The following PLPP1 variants were observed in gnomAD, a reference collection of about 807,000 sequenced individuals.
PLPP1 encodes the protein lipid phosphate phosphohydrolase 1a.
Under a neutral mutation model 31.2 loss-of-function variants are expected in PLPP1, and 24 were observed. The ratio of observed to expected loss-of-function variants is 0.77; its 90% CI spans 0.56 to 1.08. PLPP1 has a LOEUF of 1.08. PLPP1 is among the 50% of genes least tolerant of loss of function. The pLI is 0.00. For synonymous variants in PLPP1, 146 were observed against 126.3 expected, an observed-to-expected ratio of 1.16 and a Z score of -1.05; for missense variants, 319 against 342.7, an observed-to-expected ratio of 0.93 and a Z score of 0.55.
At chr5:55,477,474 C>T (rs1752579695) in intron 1 of PLPP1, among the ~76,000 whole-genome samples, 1 of 149,982 alleles carries the variant, frequency 6.7e-6, no homozygotes, top group Non-Finnish European at 1.5e-5. Flanking sequence ...GCTCACTGCA[C>T]ACTCCACTTC....
chr5:55,463,126 T>C (rs1752203521), intron 3 of PLPP1, among the ~76,000 whole-genome samples: 1 of 150,736 alleles, frequency 6.6e-6, no homozygotes, highest in African/African-American at 2.4e-5. Context: ...TAAGTGGGAG[T>C]TGAACAATGA....
chr5:55,462,488 AT>A (rs1718078538), intron 3 of PLPP1, among the ~76,000 whole-genome samples: 1 of 152,248 alleles, frequency 6.6e-6, no homozygotes, highest in African/African-American at 2.4e-5. Context: ...ACACAAAAAA[AT>A]AATTCAAATG....
chr5:55,425,832 C>A, intron 5 of PLPP1, 31 bp downstream of exon 5: 1 of 1,481,526 alleles, frequency 6.7e-7, no homozygotes, highest in Non-Finnish European at 9.0e-7. Context: ...TTAGCAATAT[C>A]AAGATGTAGG....
chr5:55,511,739 C>G (rs1182181021), intron 1 of PLPP1, among the ~76,000 whole-genome samples: 2 of 134,708 alleles, frequency 1.5e-5, no homozygotes, highest in African/African-American at 5.6e-5. Context: ...TCTCTGCTCA[C>G]TGCAAGCTCC....
intron 1 of PLPP1, among the ~76,000 whole-genome samples, chr5:55,501,186 GCCTGTAATC>G (rs1260931955): frequency 6.6e-6 from 1 of 152,112 alleles, no homozygotes; most frequent in Non-Finnish European, 1.5e-5. Context: ...AGAGGCGGAT[GCCTGTAATC>G]CCAGCTACTC....
At chr5:55,476,205 C>T (rs923713992) in intron 1 of PLPP1, among the ~76,000 whole-genome samples, 4 of 151,418 alleles carry the variant, frequency 2.6e-5, no homozygotes, top group African/African-American at 9.7e-5. Context: ...TTAGTAGAGA[C>T]GAGGTCTAGC....
chr5:55,530,838 G>C, intron 1 of PLPP1: 1 of 1,236,210 alleles, frequency 8.1e-7, no homozygotes. Flanking sequence ...GACAGACGGG[G>C]CAGTAGGATG....
chr5:55,530,797 G>T, intron 1 of PLPP1: 1 of 1,465,766 alleles, frequency 6.8e-7, no homozygotes, highest in Non-Finnish European at 9.6e-7. Context: ...CTGACAGGGC[G>T]CGGTCCGCAC....
At position 55,475,495 on chromosome 5, in the gene PLPP1, C is replaced by G. The variant is rs187512840; in HGVS notation, c.59-45G>C. 3.9e-3 allele frequency: 5,838 copies of G among 1,496,160 alleles called. 29 individuals carry two copies. The highest frequency in any genetic ancestry group is 0.017 in the Middle Eastern group (98 of 5,648). 92.7% of individuals were successfully genotyped at this position (1,496,160 alleles called of 1,614,324 possible). A position where few individuals can be genotyped will look rare whatever the true frequency, so the allele number is the denominator to read the frequency against. On this transcript the variant is annotated intron_variant, in intron 1 of 5. Coordinates refer to ENST00000307259, the MANE Select transcript of PLPP1 (RefSeq NM_003711.4). ...GAAAATATCATTAAAAAAGAAATAT[C>G]AAAACTAATTAATGGCAATAATTAT...
intron 1 of PLPP1, among the ~76,000 whole-genome samples, chr5:55,524,814 C>A (rs6897975): frequency 0.79 from 120,456 of 151,992 alleles, 48,474 homozygotes; most frequent in Middle Eastern, 0.88. Flanking sequence ...ACGTCCCCCC[C>A]CAAAAAAAAG....
At chr5:55,504,524 C>A (rs1470149697) in intron 1 of PLPP1, among the ~76,000 whole-genome samples, 9 of 54,282 alleles carry the variant, frequency 1.7e-4, no homozygotes, top group East Asian at 5.6e-4. Context: ...GACTCCATCT[C>A]AAAAAAAAAA....
At chr5:55,499,989 CA>C (rs770335407) in intron 1 of PLPP1, among the ~76,000 whole-genome samples, 9 of 148,460 alleles carry the variant, frequency 6.1e-5, no homozygotes, top group Non-Finnish European at 1.3e-4. Context: ...AAAATTAAAA[CA>C]AAAAAATATA....
At chr5:55,493,560 C>G (rs187764629) in intron 1 of PLPP1, among the ~76,000 whole-genome samples, 1 of 151,696 alleles carries the variant, frequency 6.6e-6, no homozygotes, top group Non-Finnish European at 1.5e-5. Flanking sequence ...CTGGGCAACA[C>G]AGCAAGACCC....
At chr5:55,477,807 T>C (rs1026263644) in intron 1 of PLPP1, among the ~76,000 whole-genome samples, 2 of 152,134 alleles carry the variant, frequency 1.3e-5, no homozygotes, top group Non-Finnish European at 2.9e-5. Context: ...TCTTTTGGAA[T>C]AGTATATTTA....
At chr5:55,482,751 A>G (rs760119820) in intron 1 of PLPP1, among the ~76,000 whole-genome samples, 44 of 152,240 alleles carry the variant, frequency 2.9e-4, no homozygotes, top group Non-Finnish European at 6.0e-4. Flanking sequence ...CCACTTCGCC[A>G]TAAGAACACT....
intron 1 of PLPP1, among the ~76,000 whole-genome samples, chr5:55,516,825 G>C (rs933579226): frequency 1.8e-4 from 28 of 152,334 alleles, no homozygotes; most frequent in Non-Finnish European, 2.8e-4. Context: ...AGTTGAAATT[G>C]CAAGGTAAGA....
chr5:55,430,232 C>A (rs1032472905), intron 4 of PLPP1, among the ~76,000 whole-genome samples: 5 of 152,228 alleles, frequency 3.3e-5, no homozygotes, highest in African/African-American at 1.2e-4. Flanking sequence ...GCCCGAGGAC[C>A]TTCCCACCGT....
chr5:55,485,860 C>A (rs2111838170), intron 1 of PLPP1, among the ~76,000 whole-genome samples: 1 of 152,186 alleles, frequency 6.6e-6, no homozygotes, highest in East Asian at 1.9e-4. Flanking sequence ...ATAAAACAGT[C>A]CCCTACAGCT....
chr5:55,530,428 T>G (rs1349405194), intron 1 of PLPP1: 14 of 1,257,382 alleles, frequency 1.1e-5, no homozygotes. Context: ...CACTTATAAG[T>G]AGGATGACCA....
Sources: allele counts gnomAD v4.1 joint callset (sites outside exome capture counted in the v4.1 genomes callset), GRCh38; gene constraint gnomAD v4.1.1; transcripts MANE v1.5; gene names NCBI Gene and HGNC (gene_info 2026-07-23, HGNC 2026-07-21).